NIPBL: variants seen among roughly 807,000 people sequenced by gnomAD.
NIPBL encodes nipped-B-like protein.
In NIPBL, 19 loss-of-function variants were observed where a neutral mutation model predicts 321.8. That is an observed-to-expected ratio of 0.06 (90% CI 0.04 to 0.09). The LOEUF is 0.09. Ranked by LOEUF, NIPBL falls within the 10% of genes least tolerant of loss-of-function variation. NIPBL has a pLI of 1.00. For synonymous variants in NIPBL, 1,106 were observed against 1,114.1 expected (o/e 0.99, Z 0.14); for missense variants, 2,210 against 3,327.0 (o/e 0.66, Z 8.26).
intron 8 of NIPBL, among the ~76,000 whole-genome samples, chr5:36,975,314 T>C (rs1020536163): frequency 1.3e-5 from 2 of 152,116 alleles, no homozygotes; most frequent in South Asian, 4.1e-4. Context: ...AGATAGTCTC[T>C]AGGATTAAAT....
chr5:37,016,932 A>G (rs1749063326), intron 23 of NIPBL, 87 bp from the exon 24 acceptor site: 1 of 980,878 alleles, frequency 1.0e-6, no homozygotes, highest in Admixed American at 2.9e-5. Flanking sequence ...TAAATTATAC[A>G]ATTTAGATTG....
chr5:36,993,217 G>A (rs1316137391), intron 10 of NIPBL, among the ~76,000 whole-genome samples: 1 of 152,170 alleles, frequency 6.6e-6, no homozygotes, highest in Admixed American at 6.5e-5. Flanking sequence ...TAGAGACATT[G>A]ATTCCTGGAT....
chr5:37,028,009 CTG>C (rs1475305759), intron 32 of NIPBL, among the ~76,000 whole-genome samples: 1 of 151,918 alleles, frequency 6.6e-6, no homozygotes, highest in East Asian at 1.9e-4. Context: ...TCTTTAATCT[CTG>C]TGATTAATAG....
At chr5:37,017,917 A>G (rs1749174066) in intron 24 of NIPBL, among the ~76,000 whole-genome samples, 1 of 152,140 alleles carries the variant, frequency 6.6e-6, no homozygotes, top group Admixed American at 6.5e-5. Context: ...CTTTCAAAAT[A>G]TAGATGTATG....
intron 14 of NIPBL, among the ~76,000 whole-genome samples, chr5:37,001,865 A>G (rs1746845677): frequency 6.6e-6 from 1 of 152,214 alleles, no homozygotes; most frequent in African/African-American, 2.4e-5. Flanking sequence ...TGCCACCTTC[A>G]GCTGGTAAAG....
At chr5:36,956,225 G>A (rs888971311) in intron 3 of NIPBL, among the ~76,000 whole-genome samples, 4 of 151,768 alleles carry the variant, frequency 2.6e-5, no homozygotes, top group Non-Finnish European at 4.4e-5. Flanking sequence ...GTAAGACTCC[G>A]TCTGGGGAAA....
At chr5:36,932,755 T>C (rs566549086) in intron 1 of NIPBL, among the ~76,000 whole-genome samples, 10 of 151,268 alleles carry the variant, frequency 6.6e-5, no homozygotes, top group Non-Finnish European at 1.0e-4. Context: ...ATTCTTTTAG[T>C]GTACTATTTA....
At chr5:37,044,849 G>T in intron 36 of NIPBL, 120 bp downstream of exon 36, 7 of 729,882 alleles carry the variant, frequency 9.6e-6, no homozygotes, top group Non-Finnish European at 1.7e-5. Flanking sequence ...ATTATCCACC[G>T]TGGTCCTCTC....
At chr5:36,886,027 T>G in intron 1 of NIPBL, 1 of 715,848 alleles carries the variant, frequency 1.4e-6, no homozygotes, top group Non-Finnish European at 2.6e-6. Flanking sequence ...CTCAGCAGAT[T>G]GAGGAGAGCA....
At chr5:36,894,588 C>T (rs1382872709) in intron 1 of NIPBL, among the ~76,000 whole-genome samples, 2 of 152,130 alleles carry the variant, frequency 1.3e-5, no homozygotes, top group Non-Finnish European at 2.9e-5. Context: ...ACATTTACCT[C>T]CTTTTTTATC....
At chr5:37,024,820 C>A in intron 30 of NIPBL, 101 bp downstream of exon 30, 2 of 901,552 alleles carry the variant, frequency 2.2e-6, no homozygotes, top group Non-Finnish European at 3.4e-6. Flanking sequence ...AAACACTTTA[C>A]AATGAATCGT....
At chr5:37,034,176 A>T (rs1444048034) in intron 32 of NIPBL, among the ~76,000 whole-genome samples, 2 of 152,154 alleles carry the variant, frequency 1.3e-5, no homozygotes, top group East Asian at 1.9e-4. Flanking sequence ...ACAAATCAAG[A>T]CCACATTCTA....
intron 1 of NIPBL, among the ~76,000 whole-genome samples, chr5:36,892,904 G>A (rs945434751): frequency 3.3e-5 from 5 of 152,204 alleles, no homozygotes; most frequent in Middle Eastern, 3.4e-3. Context: ...AAACCTGCAC[G>A]TTGTGCACGT....
intron 34 of NIPBL, among the ~76,000 whole-genome samples, chr5:37,041,077 G>GT (rs1752288309): frequency 6.7e-6 from 1 of 150,318 alleles, no homozygotes; most frequent in Non-Finnish European, 1.5e-5. Flanking sequence ...CCATCTTATA[G>GT]TATATTCATT....
In NIPBL at chr5:37,032,719, G is replaced by A. The variant is rs1320733835; in HGVS notation, c.5863-3660G>A. 3.3e-5 allele frequency among the ~76,000 whole-genome samples: 5 copies of A among 152,278 alleles called. No individual in the cohort carries two copies. In the East Asian group the frequency reaches 9.6e-4, roughly 29 times the overall value. ...GAGCCCAGGAGTTTTAGGCTGCAGT[G>A]AACTATGATTGTGCCACTGCCCTTT... On this transcript the variant is annotated intron_variant, in intron 32 of 46. Coordinates refer to ENST00000282516, the MANE Select transcript of NIPBL (RefSeq NM_133433.4).
intron 10 of NIPBL, among the ~76,000 whole-genome samples, chr5:36,993,181 C>T (rs1481224136): frequency 6.6e-6 from 1 of 152,286 alleles, no homozygotes; most frequent in East Asian, 1.9e-4. Context: ...AATGAAACAG[C>T]GTTCACTTTT....
At chr5:36,931,141 T>C (rs568179414) in intron 1 of NIPBL, among the ~76,000 whole-genome samples, 64 of 152,252 alleles carry the variant, frequency 4.2e-4, no homozygotes, top group African/African-American at 1.5e-3. Flanking sequence ...TGCCTAGGCT[T>C]TCTTAGTGTG....
intron 1 of NIPBL, among the ~76,000 whole-genome samples, chr5:36,895,081 C>A (rs1169684963): frequency 6.6e-6 from 1 of 152,138 alleles, no homozygotes; most frequent in African/African-American, 2.4e-5. Flanking sequence ...GTTATGCATT[C>A]ATCATTACTT....
intron 1 of NIPBL, among the ~76,000 whole-genome samples, chr5:36,936,291 G>C (rs1402945478): frequency 1.3e-5 from 2 of 151,892 alleles, no homozygotes; most frequent in Non-Finnish European, 2.9e-5. Context: ...GATGACATTT[G>C]GTCAACAACA....
Sources: gnomAD v4.1 joint callset for allele counts (sites outside exome capture counted in the v4.1 genomes callset) on GRCh38, gnomAD v4.1.1 for gene constraint, MANE v1.5 for transcripts, NCBI Gene and HGNC (gene_info 2026-07-23, HGNC 2026-07-21) for gene names.